The following GRXCR1 variants were observed in gnomAD, a reference collection of about 807,000 sequenced individuals.
GRXCR1 encodes the protein glutaredoxin domain-containing cysteine-rich protein 1.
GRXCR1 carries 27 observed loss-of-function variants against 27.3 expected under a neutral mutation model. The ratio of observed to expected loss-of-function variants is 0.99; its 90% CI spans 0.73 to 1.37. GRXCR1 has a LOEUF of 1.37. Ranked by LOEUF, GRXCR1 falls within the 40% of genes most tolerant of loss-of-function variation. The pLI, the probability that GRXCR1 is intolerant of heterozygous loss-of-function variation, is 0.00. For synonymous variants in GRXCR1, 122 were observed against 131.1 expected, an observed-to-expected ratio of 0.93 and a Z score of 0.47; for missense variants, 379 against 354.4, an observed-to-expected ratio of 1.07 and a Z score of -0.56.
At position 42,985,194 on chromosome 4, in the gene GRXCR1, C is replaced by T. The variant is rs150943573; in HGVS notation, c.627+22060C>T. Among the ~76,000 whole-genome samples, 108 of 152,196 alleles carry T rather than the reference C, an allele frequency of 7.1e-4. 1 individual carries two copies. Among genetic ancestry groups the T allele is most frequent in the African/African-American group, 2.4e-3 (99 of 41,516 alleles). On this transcript the variant is annotated intron_variant, in intron 2 of 3. Coordinates refer to ENST00000399770, the MANE Select transcript of GRXCR1 (RefSeq NM_001080476.3). ...TGTTCAAATTGATATTTCTGTGAGG[C>T]GGCAATCACCGGAAAGTCCTCTTCT... is the stretch of plus-strand genomic sequence containing the variant.
intron 2 of GRXCR1, among the ~76,000 whole-genome samples, chr4:43,007,863 G>T (rs1004430344): frequency 2.0e-5 from 3 of 152,086 alleles, no homozygotes. Flanking sequence ...AATGTCTTTG[G>T]CTTTTACTCT....
chr4:42,993,255 C>G (rs1712032006), intron 2 of GRXCR1, among the ~76,000 whole-genome samples: 1 of 152,074 alleles, frequency 6.6e-6, no homozygotes, highest in Non-Finnish European at 1.5e-5. Flanking sequence ...GAAAAACATT[C>G]CCTTTATTCT....
intron 2 of GRXCR1, among the ~76,000 whole-genome samples, chr4:42,981,587 G>A (rs1748670988): frequency 6.6e-6 from 1 of 152,140 alleles, no homozygotes; most frequent in Non-Finnish European, 1.5e-5. Flanking sequence ...CTTTTAGCTT[G>A]AAGAACTTTG....
rs2109790407 is a variant in GRXCR1, at chr4:42,990,141, A to G, written c.627+27007A>G. Among the ~76,000 whole-genome samples, 3 of 113,448 alleles carry G rather than the reference A, an allele frequency of 2.6e-5. No homozygotes were observed. In the Middle Eastern group the frequency reaches 0.017, roughly 637 times the overall value. 74.4% of individuals were successfully genotyped at this position (113,448 alleles called of 152,430 possible). On this transcript the variant is annotated intron_variant, in intron 2 of 3. Coordinates refer to ENST00000399770, the MANE Select transcript of GRXCR1 (RefSeq NM_001080476.3). ...CTTTTGTAGAATACTTTTGATGTTC[A>G]TTGTGCAACTTCTTGAATTGAATTA... is the stretch of plus-strand genomic sequence containing the variant.
chr4:42,986,994 A>ATGTG (rs2109788405), intron 2 of GRXCR1, among the ~76,000 whole-genome samples: 1 of 117,174 alleles, frequency 8.5e-6, no homozygotes, highest in South Asian at 2.5e-4. Flanking sequence ...AATTTAAGAG[A>ATGTG]TATGTGTATG....
chr4:42,994,442 G>A (rs1290941788), intron 2 of GRXCR1, among the ~76,000 whole-genome samples: 1 of 152,156 alleles, frequency 6.6e-6, no homozygotes. Flanking sequence ...CAACACCCAT[G>A]CCTTACTCTG....
chr4:43,008,833 T>C (rs185458310), intron 2 of GRXCR1, among the ~76,000 whole-genome samples: 123 of 152,352 alleles, frequency 8.1e-4, no homozygotes, highest in African/African-American at 2.6e-3. Context: ...TGTTTCCCTA[T>C]TTTTAAGACT....
At chr4:43,005,658 C>G (rs1712533448) in intron 2 of GRXCR1, among the ~76,000 whole-genome samples, 1 of 152,146 alleles carries the variant, frequency 6.6e-6, no homozygotes, top group African/African-American at 2.4e-5. Flanking sequence ...CTGAGTTATT[C>G]TAACACTAAC....
chr4:42,912,651 C>T (rs370737892), intron 1 of GRXCR1, among the ~76,000 whole-genome samples: 1 of 152,218 alleles, frequency 6.6e-6, no homozygotes, highest in South Asian at 2.1e-4. Flanking sequence ...GCAGAGATTG[C>T]AACATTTTCT....
At chr4:42,995,437 A>G (rs1712123637) in intron 2 of GRXCR1, among the ~76,000 whole-genome samples, 1 of 152,156 alleles carries the variant, frequency 6.6e-6, no homozygotes, top group Admixed American at 6.6e-5. Context: ...GGTGGAAAAA[A>G]CATTTTTGTT....
At chr4:43,019,153 G>A (rs925214213) in intron 2 of GRXCR1, among the ~76,000 whole-genome samples, 2 of 152,126 alleles carry the variant, frequency 1.3e-5, no homozygotes, top group East Asian at 3.9e-4. Context: ...ACCAACCTCA[G>A]AAAGCCTTCT....
intron 1 of GRXCR1, among the ~76,000 whole-genome samples, chr4:42,908,538 TTCTTGTATTTTAGCC>T (rs1316617539): frequency 1.3e-5 from 2 of 152,204 alleles, no homozygotes; most frequent in African/African-American, 4.8e-5. Flanking sequence ...GCTTCATATT[TTCTTGTATTTTAGCC>T]TGCAGCTATT....
chr4:42,948,870 A>T (rs1747807773), intron 1 of GRXCR1, among the ~76,000 whole-genome samples: 1 of 152,116 alleles, frequency 6.6e-6, no homozygotes. Context: ...AAGACAAGGA[A>T]TTCTCCCCTG....
intron 2 of GRXCR1, among the ~76,000 whole-genome samples, chr4:42,978,546 AT>A (rs1748576314): frequency 1.3e-5 from 2 of 151,924 alleles, no homozygotes; most frequent in Non-Finnish European, 2.9e-5. Flanking sequence ...CAGGTACTTT[AT>A]TTTTGTAACT....
At chr4:42,957,529 C>G (rs1221022225) in intron 1 of GRXCR1, among the ~76,000 whole-genome samples, 1 of 152,008 alleles carries the variant, frequency 6.6e-6, no homozygotes, top group African/African-American at 2.4e-5. Flanking sequence ...ATCCCTCTCT[C>G]TCTACCTCCA....
intron 2 of GRXCR1, among the ~76,000 whole-genome samples, chr4:42,987,192 C>T (rs1711754643): frequency 1.0e-5 from 1 of 99,088 alleles, no homozygotes; most frequent in African/African-American, 3.8e-5. Context: ...AGTATGATTT[C>T]ATAGTTTTCA....
chr4:43,011,121 T>C (rs1485176741), intron 2 of GRXCR1, among the ~76,000 whole-genome samples: 1 of 152,208 alleles, frequency 6.6e-6, no homozygotes, highest in African/African-American at 2.4e-5. Context: ...ATCAGCCTTA[T>C]TCTCTTGTTT....
chr4:42,940,691 A>T (rs986067728), intron 1 of GRXCR1, among the ~76,000 whole-genome samples: 2 of 152,100 alleles, frequency 1.3e-5, no homozygotes, highest in African/African-American at 4.8e-5. Context: ...TATTAGCTTT[A>T]AAATGGCATT....
Position 42,963,047 on chromosome 4 carries a change from A to G in GRXCR1, c.540A>G (p.Glu180=). 1.2e-6 allele frequency: 2 copies of G among 1,612,908 alleles called. No homozygotes were observed. Among genetic ancestry groups the G allele is most frequent in the Non-Finnish European group, 8.5e-7 (1 of 1,179,114 alleles). ...FEEKNIALNG[E]YGKELDERCR... is the part of the protein sequence containing the mutation. ...AGAAAAACATAGCCCTGAATGGTGA[A>G]TATGGAAAAGAGTTAGACGAACGAT... is the stretch of plus-strand genomic sequence containing the variant. The change falls in exon 2 of 4, where the codon GAA becomes GAG. Residue 180 remains glutamate, a synonymous_variant. Coordinates refer to ENST00000399770, the MANE Select transcript of GRXCR1 (RefSeq NM_001080476.3).
Sources: gnomAD v4.1 joint callset for allele counts (sites outside exome capture counted in the v4.1 genomes callset) on GRCh38, gnomAD v4.1.1 for gene constraint, MANE v1.5 for transcripts, NCBI Gene and HGNC (gene_info 2026-07-23, HGNC 2026-07-21) for gene names.